The following FSTL4 variants were observed in gnomAD, a reference collection of about 807,000 sequenced individuals.
FSTL4 encodes the protein follistatin like 4, also known as follistatin-related protein 4.
A neutral mutation model predicts 78.2 loss-of-function variants in FSTL4; 28 were observed. The ratio of observed to expected loss-of-function variants is 0.36; its 90% CI spans 0.27 to 0.49. FSTL4 has a LOEUF of 0.49. Ranked by LOEUF, FSTL4 falls within the 20% of genes least tolerant of loss-of-function variation. The pLI, the probability that FSTL4 is intolerant of heterozygous loss-of-function variation, is 0.98. For synonymous variants in FSTL4, 422 were observed against 440.5 expected (o/e 0.96, Z 0.53); for missense variants, 922 against 1,084.9 (o/e 0.85, Z 2.11).
At chr5:133,593,112 G>A (rs538220698) in intron 2 of FSTL4, among the ~76,000 whole-genome samples, 1 of 152,124 alleles carries the variant, frequency 6.6e-6, no homozygotes, top group East Asian at 2.0e-4. Context: ...GAGGAAGCTG[G>A]GAGTCTCTAA....
chr5:133,735,891 G>C, the FSTL4 span, among the ~76,000 whole-genome samples: 4 of 152,196 alleles, frequency 2.6e-5, no homozygotes, highest in African/African-American at 7.2e-5. Flanking sequence ...TGGTAGAGTC[G>C]TGAAAACTAG....
At chr5:133,590,037 A>G (rs1760591281) in intron 2 of FSTL4, among the ~76,000 whole-genome samples, 2 of 152,232 alleles carry the variant, frequency 1.3e-5, no homozygotes, top group African/African-American at 4.8e-5. Flanking sequence ...TCATATCAAT[A>G]GCTATGGAAT....
intron 3 of FSTL4, among the ~76,000 whole-genome samples, chr5:133,541,199 G>T (rs919521713): frequency 2.6e-5 from 4 of 152,202 alleles, no homozygotes; most frequent in African/African-American, 4.8e-5. Context: ...CTGTAGGTCA[G>T]ATATCTGGGG....
intron 8 of FSTL4, among the ~76,000 whole-genome samples, chr5:133,231,641 C>T (rs935840847): frequency 6.6e-6 from 1 of 152,220 alleles, no homozygotes; most frequent in Admixed American, 6.5e-5. Flanking sequence ...CTCTCCGGTT[C>T]AAGCAATTCT....
At chr5:133,628,364 T>TC in the FSTL4 span, among the ~76,000 whole-genome samples, 93 of 139,030 alleles carry the variant, frequency 6.7e-4, no homozygotes, top group Non-Finnish European at 2.4e-4. Context: ...TTCTTTTCTT[T>TC]TCTTTTTTTT....
intron 3 of FSTL4, among the ~76,000 whole-genome samples, chr5:133,421,764 C>T (rs1756702021): frequency 6.6e-6 from 1 of 151,568 alleles, no homozygotes; most frequent in African/African-American, 2.4e-5. Context: ...GCATCATGCT[C>T]ACTCATTCAT....
chr5:133,493,381 CTTTAAG>C (rs1382797291), intron 3 of FSTL4, among the ~76,000 whole-genome samples: 2 of 152,108 alleles, frequency 1.3e-5, no homozygotes, highest in African/African-American at 2.4e-5. Flanking sequence ...TGGGACCTAT[CTTTAAG>C]TTTATTTCTA....
upstream of FSTL4, among the ~76,000 whole-genome samples, chr5:133,615,552 A>C (rs570507995): frequency 6.6e-6 from 1 of 152,336 alleles, no homozygotes; most frequent in South Asian, 2.1e-4. Context: ...GGCCATTTTC[A>C]GTTCTAAAGG....
the FSTL4 span, among the ~76,000 whole-genome samples, chr5:133,822,809 A>C: frequency 6.6e-6 from 1 of 152,216 alleles, no homozygotes; most frequent in Non-Finnish European, 1.5e-5. Flanking sequence ...AAACCAAAAA[A>C]CAAAGAGTAG....
At chr5:133,715,849 G>T in the FSTL4 span, among the ~76,000 whole-genome samples, 1 of 152,200 alleles carries the variant, frequency 6.6e-6, no homozygotes, top group Non-Finnish European at 1.5e-5. Flanking sequence ...GGGCTGCTTT[G>T]CTTTCCCCAC....
chr5:133,622,462 C>T, the FSTL4 span, among the ~76,000 whole-genome samples: 3 of 151,996 alleles, frequency 2.0e-5, no homozygotes, highest in East Asian at 1.9e-4. Context: ...TGGCCAATTT[C>T]GAATAAAAAT....
At chr5:133,277,688 T>C (rs1017493712) in intron 6 of FSTL4, among the ~76,000 whole-genome samples, 1 of 152,126 alleles carries the variant, frequency 6.6e-6, no homozygotes, top group Admixed American at 6.5e-5. Context: ...GACTTGCCCC[T>C]TGGGGTGGCC....
chr5:133,415,514 T>C (rs1389720316), intron 3 of FSTL4, among the ~76,000 whole-genome samples: 2 of 152,216 alleles, frequency 1.3e-5, no homozygotes, highest in African/African-American at 4.8e-5. Context: ...ACTTTCACCT[T>C]TTTTTAATTC....
At chr5:133,449,639 C>T (rs962388410) in intron 3 of FSTL4, among the ~76,000 whole-genome samples, 2 of 152,066 alleles carry the variant, frequency 1.3e-5, no homozygotes, top group African/African-American at 4.8e-5. Context: ...CCACCCCAGG[C>T]GGGGTCCGAG....
At chr5:133,371,611 A>T (rs779391390) in intron 4 of FSTL4, among the ~76,000 whole-genome samples, 1 of 152,216 alleles carries the variant, frequency 6.6e-6, no homozygotes, top group Non-Finnish European at 1.5e-5. Flanking sequence ...AGTAATGCGG[A>T]ATGTGTCAGA....
chr5:133,576,647 T>C (rs1214187261), intron 2 of FSTL4, among the ~76,000 whole-genome samples: 1 of 152,122 alleles, frequency 6.6e-6, no homozygotes, highest in Admixed American at 6.5e-5. Context: ...AGCACCTCCA[T>C]CCAGCAGCAG....
At chr5:133,503,912 C>T (rs1250680025) in intron 3 of FSTL4, among the ~76,000 whole-genome samples, 3 of 152,128 alleles carry the variant, frequency 2.0e-5, no homozygotes, top group Non-Finnish European at 4.4e-5. Flanking sequence ...CTGGGGAGGC[C>T]TCAGGTAACT....
the FSTL4 span, among the ~76,000 whole-genome samples, chr5:133,766,478 C>T: frequency 6.6e-6 from 1 of 152,218 alleles, no homozygotes; most frequent in Admixed American, 6.5e-5. Flanking sequence ...AGACACTATC[C>T]TAATAAATGA....
At chr5:133,449,883 T>C (rs1488219213) in intron 3 of FSTL4, among the ~76,000 whole-genome samples, 1 of 152,230 alleles carries the variant, frequency 6.6e-6, no homozygotes, top group Admixed American at 6.5e-5. Flanking sequence ...AAAAGGAATC[T>C]ATAGAATTGA....
Sources: gnomAD v4.1 joint callset for allele counts (sites outside exome capture counted in the v4.1 genomes callset) on GRCh38, gnomAD v4.1.1 for gene constraint, MANE v1.5 for transcripts, NCBI Gene and HGNC (gene_info 2026-07-23, HGNC 2026-07-21) for gene names.